The following HTR1F variants were observed in gnomAD, a reference collection of about 807,000 sequenced individuals.
The protein encoded by HTR1F is 5-hydroxytryptamine receptor 1F, also known as 5-hydroxytryptamine (serotonin) receptor 1F, G protein-coupled.
Under a neutral mutation model 24.0 loss-of-function variants are expected in HTR1F, and 17 were observed. That is an observed-to-expected ratio of 0.71 (90% CI 0.48 to 1.06). The LOEUF (loss-of-function observed/expected upper bound fraction) is 1.06. Ranked by LOEUF, HTR1F falls within the 50% of genes least tolerant of loss-of-function variation. The pLI, the probability that HTR1F is intolerant of heterozygous loss-of-function variation, is 0.00. For synonymous variants in HTR1F, 186 were observed against 156.8 expected, an observed-to-expected ratio of 1.19 and a Z score of -1.39; for missense variants, 391 against 427.8, an observed-to-expected ratio of 0.91 and a Z score of 0.76.
chr3:87,880,322 T>C (rs1460319797), intron 2 of HTR1F, among the ~76,000 whole-genome samples: 2 of 152,190 alleles, frequency 1.3e-5, no homozygotes, highest in Non-Finnish European at 2.9e-5. Flanking sequence ...TCATTGTACA[T>C]AGATTACATC....
intron 2 of HTR1F, among the ~76,000 whole-genome samples, chr3:87,946,599 A>ATT (rs1704711190): frequency 7.0e-6 from 1 of 141,970 alleles, no homozygotes; most frequent in Non-Finnish European, 1.5e-5. Context: ...ATTTACATAT[A>ATT]TGTGTGTGTG....
intron 2 of HTR1F, among the ~76,000 whole-genome samples, chr3:87,916,520 G>A (rs1264879790): frequency 6.6e-6 from 1 of 151,994 alleles, no homozygotes; most frequent in Non-Finnish European, 1.5e-5. Context: ...TAATCTTAAA[G>A]TAAAGGGGTG....
At chr3:87,914,909 C>T (rs188152526) in intron 2 of HTR1F, among the ~76,000 whole-genome samples, 1 of 152,184 alleles carries the variant, frequency 6.6e-6, no homozygotes, top group East Asian at 1.9e-4. Flanking sequence ...GAACATTAAA[C>T]CACGTAAGCT....
chr3:87,829,043 C>T (rs1348224557), intron 2 of HTR1F, among the ~76,000 whole-genome samples: 1 of 136,234 alleles, frequency 7.3e-6, no homozygotes, highest in South Asian at 2.1e-4. Flanking sequence ...AGTCAGCATA[C>T]CAAAAAAAAA....
At chr3:87,910,485 A>T (rs1272907792) in intron 2 of HTR1F, 4 of 152,064 alleles carry the variant, frequency 2.6e-5, no homozygotes, top group Non-Finnish European at 5.9e-5. Flanking sequence ...GTTCTTAGAG[A>T]TCTACAAAGA....
chr3:87,945,047 TTCTA>T (rs775315228), intron 2 of HTR1F, among the ~76,000 whole-genome samples: 3 of 151,168 alleles, frequency 2.0e-5, no homozygotes, highest in Admixed American at 6.6e-5. Context: ...TTTTTACTAT[TTCTA>T]TCTTTTTCTC....
At chr3:87,909,924 ATTC>A (rs1703741612) in intron 2 of HTR1F, among the ~76,000 whole-genome samples, 1 of 151,976 alleles carries the variant, frequency 6.6e-6, no homozygotes, top group African/African-American at 2.4e-5. Context: ...ATGGTCTTTT[ATTC>A]TTCTTATTTG....
intron 2 of HTR1F, among the ~76,000 whole-genome samples, chr3:87,969,113 T>C (rs928800308): frequency 4.6e-5 from 7 of 152,252 alleles, no homozygotes; most frequent in African/African-American, 1.7e-4. Context: ...ACCCAGAAGT[T>C]TGCTGCAGGA....
At chr3:87,883,345 T>C (rs981970062) in intron 2 of HTR1F, among the ~76,000 whole-genome samples, 4 of 152,124 alleles carry the variant, frequency 2.6e-5, no homozygotes, top group Admixed American at 2.6e-4. Context: ...CAAAGGTAGA[T>C]AAAGCCACAA....
At chr3:87,927,753 C>G (rs938761061) in intron 2 of HTR1F, among the ~76,000 whole-genome samples, 12 of 152,014 alleles carry the variant, frequency 7.9e-5, no homozygotes, top group Non-Finnish European at 1.8e-4. Context: ...TTTTTCATGC[C>G]TACCTGTACA....
chr3:87,900,400 A>G (rs1706295340), intron 2 of HTR1F, among the ~76,000 whole-genome samples: 1 of 152,206 alleles, frequency 6.6e-6, no homozygotes. Context: ...AGTTGTCAGA[A>G]ATTAACTCAG....
chr3:87,945,595 C>T (rs1389254132), intron 2 of HTR1F, among the ~76,000 whole-genome samples: 5 of 152,138 alleles, frequency 3.3e-5, no homozygotes, highest in Admixed American at 1.3e-4. Context: ...AGTTGGCCAT[C>T]GGCTTCCCCA....
intron 2 of HTR1F, among the ~76,000 whole-genome samples, chr3:87,966,910 T>G (rs1391352906): frequency 6.6e-6 from 1 of 152,072 alleles, no homozygotes; most frequent in Admixed American, 6.5e-5. Flanking sequence ...AGAAATAATT[T>G]GCATTAACTC....
At chr3:87,825,775 G>T (rs1295801473) in intron 2 of HTR1F, among the ~76,000 whole-genome samples, 1 of 152,086 alleles carries the variant, frequency 6.6e-6, no homozygotes, top group Non-Finnish European at 1.5e-5. Context: ...AAGCAAAATG[G>T]TTGTCTTGCT....
intron 2 of HTR1F, among the ~76,000 whole-genome samples, chr3:87,943,235 C>A (rs540844781): frequency 6.6e-6 from 1 of 151,722 alleles, no homozygotes; most frequent in Non-Finnish European, 1.5e-5. Context: ...TACCAGAGAT[C>A]GCCAAACTCT....
At chr3:87,980,220 G>C (rs1282814081) in intron 2 of HTR1F, among the ~76,000 whole-genome samples, 1 of 152,178 alleles carries the variant, frequency 6.6e-6, no homozygotes, top group Non-Finnish European at 1.5e-5. Flanking sequence ...ACAGCTCTCA[G>C]GCTACCTGGA....
intron 1 of HTR1F, among the ~76,000 whole-genome samples, chr3:87,813,191 A>C (rs1324722785): frequency 6.6e-6 from 1 of 152,134 alleles, no homozygotes; most frequent in Non-Finnish European, 1.5e-5. Context: ...ACAGGTATTC[A>C]ATATCAGCCT....
chr3:87,950,655 G>A (rs1042269714), intron 2 of HTR1F, among the ~76,000 whole-genome samples: 1 of 152,102 alleles, frequency 6.6e-6, no homozygotes, highest in Non-Finnish European at 1.5e-5. Context: ...ATAATACATG[G>A]AATGGCAAGT....
At chr3:87,877,142 G>C (rs1296824486) in intron 2 of HTR1F, among the ~76,000 whole-genome samples, 1 of 151,966 alleles carries the variant, frequency 6.6e-6, no homozygotes, top group Admixed American at 6.6e-5. Context: ...TTTGTAGTGA[G>C]TTGAAATCTC....
Sources: allele counts gnomAD v4.1 joint callset (sites outside exome capture counted in the v4.1 genomes callset), GRCh38; gene constraint gnomAD v4.1.1; transcripts MANE v1.5; gene names NCBI Gene and HGNC (gene_info 2026-07-23, HGNC 2026-07-21).